Variants in ATG5 observed in about 807,000 individuals in gnomAD.
ATG5 encodes the protein autophagy protein 5.
ATG5 carries 14 observed loss-of-function variants against 36.5 expected under a neutral mutation model. That is an observed-to-expected ratio of 0.38 (90% confidence interval 0.25 to 0.60). The LOEUF is 0.60. ATG5 is among the 20% of genes least tolerant of loss of function. ATG5 has a pLI of 0.60. For synonymous variants in ATG5, 95 were observed against 101.5 expected, an observed-to-expected ratio of 0.94 and a Z score of 0.38; for missense variants, 195 against 326.7, an observed-to-expected ratio of 0.60 and a Z score of 3.11.
intron 6 of ATG5, among the ~76,000 whole-genome samples, chr6:106,203,544 GCTTT>G (rs1280528743): frequency 6.6e-6 from 1 of 152,248 alleles, no homozygotes; most frequent in South Asian, 2.1e-4. Flanking sequence ...TAAATTTTAA[GCTTT>G]CTGAGATGAA....
intron 4 of ATG5, among the ~76,000 whole-genome samples, chr6:106,290,471 C>T (rs1157708621): frequency 6.6e-6 from 1 of 151,480 alleles, no homozygotes; most frequent in African/African-American, 2.4e-5. Context: ...CAGGTGCACA[C>T]CACTGCGCCC....
At chr6:106,259,794 C>G (rs76756577) in intron 5 of ATG5, among the ~76,000 whole-genome samples, 2,484 of 152,130 alleles carry the variant, frequency 0.016, 37 homozygotes, top group Non-Finnish European at 0.029. Flanking sequence ...TTAACAAAAA[C>G]AAGAAGATAG....
At chr6:106,265,856 G>C (rs953188790) in intron 5 of ATG5, among the ~76,000 whole-genome samples, 6 of 152,154 alleles carry the variant, frequency 3.9e-5, no homozygotes, top group Non-Finnish European at 8.8e-5. Context: ...AGTGCTAAGA[G>C]GGAAATTTAT....
intron 5 of ATG5, among the ~76,000 whole-genome samples, chr6:106,249,111 T>C (rs1406537464): frequency 6.6e-6 from 1 of 152,184 alleles, no homozygotes; most frequent in Non-Finnish European, 1.5e-5. Flanking sequence ...TTTCAAATTT[T>C]TTAAATAAAC....
chr6:106,318,520 T>G (rs1316394473), intron 1 of ATG5, among the ~76,000 whole-genome samples: 1 of 152,188 alleles, frequency 6.6e-6, no homozygotes, highest in East Asian at 1.9e-4. Context: ...TCCAGCAAAG[T>G]TTACCAAAGT....
At chr6:106,237,021 T>C (rs139460483) in intron 6 of ATG5, among the ~76,000 whole-genome samples, 3 of 152,336 alleles carry the variant, frequency 2.0e-5, no homozygotes, top group African/African-American at 7.2e-5. Flanking sequence ...CTTGAGCCTC[T>C]GGTTTGAAGA....
At chr6:106,299,452 C>T (rs1394617813) in intron 3 of ATG5, among the ~76,000 whole-genome samples, 1 of 152,118 alleles carries the variant, frequency 6.6e-6, no homozygotes, top group African/African-American at 2.4e-5. Flanking sequence ...CAACTCTTAT[C>T]CAGAACTGTA....
At chr6:106,220,615 T>A (rs1330154999) in intron 6 of ATG5, among the ~76,000 whole-genome samples, 1 of 152,208 alleles carries the variant, frequency 6.6e-6, no homozygotes, top group Admixed American at 6.5e-5. Context: ...ATAGTTATTT[T>A]AAAAGTATGA....
At chr6:106,290,175 T>C (rs1201089653) in intron 4 of ATG5, among the ~76,000 whole-genome samples, 1 of 151,074 alleles carries the variant, frequency 6.6e-6, no homozygotes, top group Non-Finnish European at 1.5e-5. Context: ...TAGAGGTGCA[T>C]GCCACCATAC....
At chr6:106,214,420 G>C (rs1197239542) in intron 6 of ATG5, among the ~76,000 whole-genome samples, 1 of 152,050 alleles carries the variant, frequency 6.6e-6, no homozygotes. Context: ...CTTATGTTGA[G>C]AGTCTGAAGC....
intron 4 of ATG5, among the ~76,000 whole-genome samples, chr6:106,291,827 A>G (rs536551478): frequency 3.9e-5 from 6 of 152,240 alleles, no homozygotes; most frequent in Non-Finnish European, 7.3e-5. Context: ...ATGCATACCA[A>G]CACTATGTGC....
intron 3 of ATG5, among the ~76,000 whole-genome samples, chr6:106,294,201 G>GT (rs1300784127): frequency 1.3e-5 from 2 of 152,130 alleles, no homozygotes; most frequent in Non-Finnish European, 2.9e-5. Flanking sequence ...GTTATACACA[G>GT]TCCTGTCTTT....
chr6:106,197,261 C>A (rs1776232204), intron 7 of ATG5, among the ~76,000 whole-genome samples: 1 of 152,082 alleles, frequency 6.6e-6, no homozygotes. Context: ...GTAGCTCATG[C>A]CTATAATCTC....
At chr6:106,206,448 A>G (rs1776637876) in intron 6 of ATG5, among the ~76,000 whole-genome samples, 1 of 152,144 alleles carries the variant, frequency 6.6e-6, no homozygotes, top group African/African-American at 2.4e-5. Flanking sequence ...CAGGAGTTCA[A>G]GACCAGCCTG....
chr6:106,307,534 CCTT>C (rs769601726), intron 3 of ATG5, among the ~76,000 whole-genome samples: 10,393 of 138,910 alleles, frequency 0.075, 591 homozygotes, highest in Admixed American at 0.22. Flanking sequence ...ATTTCAATAC[CCTT>C]TTTTTTTTTT....
intron 7 of ATG5, among the ~76,000 whole-genome samples, chr6:106,193,654 T>C (rs990766475): frequency 4.6e-5 from 7 of 152,144 alleles, no homozygotes; most frequent in Non-Finnish European, 7.4e-5. Flanking sequence ...AATACATAAA[T>C]AAACTTTGAA....
chr6:106,222,261 A>T (rs1777281115), intron 6 of ATG5, among the ~76,000 whole-genome samples: 1 of 152,192 alleles, frequency 6.6e-6, no homozygotes. Context: ...TGCATCATTC[A>T]CAATCTATCT....
chr6:106,273,385 GAGA>G (rs1455422634), intron 5 of ATG5, among the ~76,000 whole-genome samples: 1 of 152,156 alleles, frequency 6.6e-6, no homozygotes, highest in Non-Finnish European at 1.5e-5. Flanking sequence ...TAAAAAGACC[GAGA>G]AGGAGGGGGA....
At chr6:106,252,855 TA>T (rs549478970) in intron 5 of ATG5, among the ~76,000 whole-genome samples, 34 of 152,312 alleles carry the variant, frequency 2.2e-4, no homozygotes, top group African/African-American at 7.9e-4. Flanking sequence ...GCATTTCAAA[TA>T]AATGTCGGAT....
Sources: allele counts gnomAD v4.1 joint callset (sites outside exome capture counted in the v4.1 genomes callset), GRCh38; gene constraint gnomAD v4.1.1; transcripts MANE v1.5; gene names NCBI Gene and HGNC (gene_info 2026-07-23, HGNC 2026-07-21).